PKP4: variants seen among roughly 807,000 people sequenced by gnomAD.
PKP4 encodes the protein plakophilin 4.
PKP4 carries 90 observed loss-of-function variants against 145.1 expected under a neutral mutation model. The observed-to-expected ratio is 0.62, with a 90% CI of 0.52 to 0.74. PKP4 has a LOEUF of 0.74. Ranked by LOEUF, PKP4 falls within the 30% of genes least tolerant of loss-of-function variation. The pLI, the probability that PKP4 is intolerant of heterozygous loss-of-function variation, is 0.00. For missense variants in PKP4, 1,340 were observed against 1,482.7 expected, an observed-to-expected ratio of 0.90 and a Z score of 1.58; for synonymous variants, 563 against 577.2, an observed-to-expected ratio of 0.98 and a Z score of 0.35.
At chr2:158,629,367 A>G (rs2053138086) in intron 7 of PKP4, among the ~76,000 whole-genome samples, 1 of 152,142 alleles carries the variant, frequency 6.6e-6, no homozygotes, top group Non-Finnish European at 1.5e-5. Flanking sequence ...TCAGCTCGGC[A>G]AGGAAGTAGC....
chr2:158,638,329 C>A (rs1558932067), intron 9 of PKP4, among the ~76,000 whole-genome samples: 1 of 152,240 alleles, frequency 6.6e-6, no homozygotes, highest in East Asian at 1.9e-4. Context: ...ATCATCACAA[C>A]CAACCAGTGA....
intron 1 of PKP4, among the ~76,000 whole-genome samples, chr2:158,459,013 T>C (rs1192129013): frequency 2.6e-5 from 4 of 152,216 alleles, no homozygotes; most frequent in Non-Finnish European, 1.5e-5. Flanking sequence ...ATGGCTAGTA[T>C]GCATTTTTGG....
At chr2:158,629,533 G>A (rs928081183) in intron 7 of PKP4, among the ~76,000 whole-genome samples, 4 of 152,110 alleles carry the variant, frequency 2.6e-5, no homozygotes, top group East Asian at 1.9e-4. Flanking sequence ...ACATTGATTC[G>A]TTTAGTTTCT....
chr2:158,576,477 A>G (rs988406004), intron 2 of PKP4, among the ~76,000 whole-genome samples: 5 of 152,176 alleles, frequency 3.3e-5, no homozygotes, highest in Admixed American at 2.6e-4. Flanking sequence ...TAGATATTTT[A>G]TAACATGACA....
chr2:158,516,658 CTTTTT>C (rs764067744), intron 1 of PKP4, among the ~76,000 whole-genome samples: 1 of 132,470 alleles, frequency 7.5e-6, no homozygotes, highest in African/African-American at 2.8e-5. Context: ...ATATACTTTT[CTTTTT>C]TTTTTTTTTT....
intron 11 of PKP4, among the ~76,000 whole-genome samples, chr2:158,652,286 G>A (rs532286014): frequency 1.7e-4 from 26 of 152,172 alleles, no homozygotes; most frequent in Non-Finnish European, 2.6e-4. Flanking sequence ...GATGGCCACC[G>A]TATGGGGCAG....
chr2:158,494,328 T>C (rs1005776639), intron 1 of PKP4, among the ~76,000 whole-genome samples: 4 of 152,290 alleles, frequency 2.6e-5, no homozygotes, highest in African/African-American at 9.6e-5. Context: ...TTATATAGTC[T>C]TACTTGAAGT....
intron 4 of PKP4, among the ~76,000 whole-genome samples, chr2:158,607,988 AT>A (rs2050794034): frequency 6.6e-6 from 1 of 152,222 alleles, no homozygotes; most frequent in African/African-American, 2.4e-5. Context: ...AAGACCTACT[AT>A]TTGATAGCAT....
chr2:158,634,282 G>C lies in PKP4; in HGVS notation c.1555G>C (p.Asp519His). The C allele has an allele frequency of 6.2e-7, 1 of 1,613,516 alleles. No homozygotes were observed. Among genetic ancestry groups the C allele is most frequent in the Non-Finnish European group, 8.5e-7 (1 of 1,179,650 alleles). ...CCCATCAATAGACAGCATTCAGAAGGACCCCAGGCGAGTACCAGTTAGGAG... is the reference window on the plus strand; with the variant it reads ...CCCATCAATAGACAGCATTCAGAAGCACCCCAGGCGAGTACCAGTTAGGAG... ...RSPSIDSIQK[D>H]PREFAWRDPE... Residue 519 changes from aspartate (D) to histidine (H), a missense_variant, in exon 9 of 22, where the codon GAC becomes CAC. Physicochemically the swap from Asp to His is moderately conservative, Grantham distance 81. Coordinates refer to ENST00000389759, the MANE Select transcript of PKP4 (RefSeq NM_003628.6).
chr2:158,575,679 G>A (rs1382968905), intron 2 of PKP4, among the ~76,000 whole-genome samples: 2 of 152,116 alleles, frequency 1.3e-5, no homozygotes, highest in East Asian at 3.9e-4. Context: ...GGAATATTTT[G>A]GGATTCCTGA....
chr2:158,638,215 A>T (rs1284197988), intron 9 of PKP4, among the ~76,000 whole-genome samples: 1 of 152,244 alleles, frequency 6.6e-6, no homozygotes, highest in Non-Finnish European at 1.5e-5. Flanking sequence ...CCAGGAATTC[A>T]TCTATTTAGA....
intron 1 of PKP4, among the ~76,000 whole-genome samples, chr2:158,459,887 G>T (rs928963953): frequency 6.6e-6 from 1 of 152,076 alleles, no homozygotes; most frequent in African/African-American, 2.4e-5. Flanking sequence ...AGTTAGAAAT[G>T]CTTTCTATTT....
intron 1 of PKP4, among the ~76,000 whole-genome samples, chr2:158,479,314 C>T (rs1049764224): frequency 6.6e-6 from 1 of 152,058 alleles, no homozygotes; most frequent in African/African-American, 2.4e-5. Flanking sequence ...GCCTCCACCT[C>T]CCGGGATTAA....
At chr2:158,519,289 G>A (rs960838251) in intron 1 of PKP4, among the ~76,000 whole-genome samples, 2 of 152,102 alleles carry the variant, frequency 1.3e-5, no homozygotes, top group Admixed American at 1.3e-4. Flanking sequence ...GCTTCTGGCT[G>A]TTTCTCTTTC....
intron 11 of PKP4, 120 bp from the exon 12 acceptor site, chr2:158,658,011 A>G (rs1346041260): frequency 4.6e-6 from 3 of 651,340 alleles, no homozygotes; most frequent in African/African-American, 1.8e-5. Flanking sequence ...GGTTGCAAAT[A>G]TAGGCCATAG....
At chr2:158,552,535 G>A (rs909191049) in intron 2 of PKP4, among the ~76,000 whole-genome samples, 1 of 151,928 alleles carries the variant, frequency 6.6e-6, no homozygotes, top group Non-Finnish European at 1.5e-5. Flanking sequence ...TAAACAAAAC[G>A]TTGGTAGAAA....
At chr2:158,537,864 A>C (rs1277293270) in intron 2 of PKP4, among the ~76,000 whole-genome samples, 1 of 152,058 alleles carries the variant, frequency 6.6e-6, no homozygotes, top group African/African-American at 2.4e-5. Context: ...CCCTGTCTCT[A>C]CAAAAAATAC....
intron 1 of PKP4, among the ~76,000 whole-genome samples, chr2:158,496,256 C>T (rs1313892803): frequency 1.3e-5 from 2 of 152,162 alleles, no homozygotes; most frequent in Non-Finnish European, 2.9e-5. Flanking sequence ...GCTGGGATTA[C>T]AGGCTTGAGC....
intron 7 of PKP4, 131 bp downstream of exon 7, chr2:158,625,558 T>G (rs1341121914): frequency 5.6e-6 from 4 of 713,906 alleles, no homozygotes; most frequent in Non-Finnish European, 9.1e-6. Context: ...AACTATAAAC[T>G]TAAGGTTAAC....
Sources: allele counts gnomAD v4.1 joint callset (sites outside exome capture counted in the v4.1 genomes callset), GRCh38; gene constraint gnomAD v4.1.1; transcripts MANE v1.5; gene names NCBI Gene and HGNC (gene_info 2026-07-23, HGNC 2026-07-21).